ZNF804B: variants seen among roughly 807,000 people sequenced by gnomAD.
The protein encoded by ZNF804B is zinc finger protein 804B.
ZNF804B carries 80 observed loss-of-function variants against 101.4 expected under a neutral mutation model. The observed-to-expected ratio is 0.79, with a 90% CI of 0.66 to 0.95. The LOEUF is 0.95. Among genes scored for constraint, ZNF804B ranks in the 40% least tolerant of loss-of-function variants. The pLI, the probability that ZNF804B is intolerant of heterozygous loss-of-function variation, is 0.00. For synonymous variants in ZNF804B, 622 were observed against 558.8 expected, an observed-to-expected ratio of 1.11 and a Z score of -1.59; for missense variants, 1,673 against 1,561.9, an observed-to-expected ratio of 1.07 and a Z score of -1.20.
chr7:89,056,748 C>G (rs903791455), intron 1 of ZNF804B, among the ~76,000 whole-genome samples: 12 of 152,110 alleles, frequency 7.9e-5, no homozygotes, highest in African/African-American at 2.7e-4. Flanking sequence ...CACCACATAC[C>G]TCTAAGCAGA....
At chr7:89,118,432 C>T (rs1342830846) in intron 1 of ZNF804B, among the ~76,000 whole-genome samples, 1 of 152,128 alleles carries the variant, frequency 6.6e-6, no homozygotes, top group East Asian at 1.9e-4. Flanking sequence ...TGAATACCAA[C>T]ACCTCTTTCA....
chr7:89,098,188 C>T (rs545610279), intron 1 of ZNF804B, among the ~76,000 whole-genome samples: 1 of 152,124 alleles, frequency 6.6e-6, no homozygotes, highest in East Asian at 1.9e-4. Context: ...GATTCAAACC[C>T]TGGCAGTTTT....
At chr7:89,306,180 A>G (rs38930) in intron 2 of ZNF804B, among the ~76,000 whole-genome samples, 52,073 of 151,826 alleles carry the variant, frequency 0.34, 9,415 homozygotes, top group Non-Finnish European at 0.4. Flanking sequence ...AAAGAAGATG[A>G]TTTTTACCTG....
chr7:89,164,212 A>C (rs2116424074), intron 1 of ZNF804B, among the ~76,000 whole-genome samples: 1 of 152,196 alleles, frequency 6.6e-6, no homozygotes, highest in African/African-American at 2.4e-5. Flanking sequence ...AACCTGATCA[A>C]AAATACCCCT....
intron 2 of ZNF804B, among the ~76,000 whole-genome samples, chr7:89,253,333 C>G (rs1373064864): frequency 6.6e-6 from 1 of 151,902 alleles, no homozygotes; most frequent in East Asian, 1.9e-4. Context: ...TTTTTATAAA[C>G]TAAAAACATG....
At chr7:88,797,940 T>C (rs139984734) in intron 1 of ZNF804B, among the ~76,000 whole-genome samples, 2 of 152,192 alleles carry the variant, frequency 1.3e-5, no homozygotes, top group African/African-American at 4.8e-5. Flanking sequence ...ACTATCTTCT[T>C]GGATTCCCTG....
chr7:89,112,571 C>CT (rs1200121349), intron 1 of ZNF804B, among the ~76,000 whole-genome samples: 1 of 152,048 alleles, frequency 6.6e-6, no homozygotes, highest in Non-Finnish European at 1.5e-5. Context: ...CAACTTTCTT[C>CT]TTTTTATGTA....
intron 1 of ZNF804B, among the ~76,000 whole-genome samples, chr7:89,214,989 G>A (rs1370311101): frequency 6.6e-6 from 1 of 152,116 alleles, no homozygotes; most frequent in Non-Finnish European, 1.5e-5. Flanking sequence ...CTAAATATCA[G>A]TTGCCTCTTT....
chr7:88,915,871 T>C (rs1792626242), intron 1 of ZNF804B, among the ~76,000 whole-genome samples: 1 of 151,948 alleles, frequency 6.6e-6, no homozygotes, highest in South Asian at 2.1e-4. Context: ...ATAATATATT[T>C]AAAATCATGT....
At chr7:88,955,718 A>G (rs1490163163) in intron 1 of ZNF804B, among the ~76,000 whole-genome samples, 3 of 151,524 alleles carry the variant, frequency 2.0e-5, no homozygotes, top group African/African-American at 7.3e-5. Flanking sequence ...GACCTGGGAA[A>G]CACAGACAGC....
chr7:89,089,959 A>G (rs1789857922), intron 1 of ZNF804B, among the ~76,000 whole-genome samples: 4 of 152,154 alleles, frequency 2.6e-5, no homozygotes, highest in African/African-American at 9.6e-5. Flanking sequence ...AGAGAAAAAA[A>G]TAGCCTAAGA....
chr7:88,860,629 T>C (rs1441612088), intron 1 of ZNF804B, among the ~76,000 whole-genome samples: 1 of 152,090 alleles, frequency 6.6e-6, no homozygotes, highest in Non-Finnish European at 1.5e-5. Context: ...GTCCTGTGTC[T>C]GAGATAATTG....
chr7:88,776,295 G>T (rs756650950), intron 1 of ZNF804B, among the ~76,000 whole-genome samples: 2 of 152,188 alleles, frequency 1.3e-5, no homozygotes, highest in Non-Finnish European at 2.9e-5. Context: ...ACTTAAAATT[G>T]TTGTATCAAA....
At position 89,238,523 on chromosome 7, in the gene ZNF804B, T is replaced by C. The variant is rs1584076088; in HGVS notation, c.249+20228T>C. Among the ~76,000 whole-genome samples, 6 of 152,294 alleles carry C rather than the reference T, an allele frequency of 3.9e-5. 1 individual carries two copies. The highest frequency in any genetic ancestry group is 3.9e-4 in the Admixed American group (6 of 15,292). ...AGCAAATTTGTTTTGTGAAATTTTGTTGCAGTTAAATTTATATGTATGTGT... is the reference window on the plus strand; with the variant it reads ...AGCAAATTTGTTTTGTGAAATTTTGCTGCAGTTAAATTTATATGTATGTGT... On this transcript the variant is annotated intron_variant, in intron 2 of 3. Coordinates refer to ENST00000333190, the MANE Select transcript of ZNF804B (RefSeq NM_181646.5).
chr7:88,935,470 G>A (rs1792952454), intron 1 of ZNF804B, among the ~76,000 whole-genome samples: 1 of 151,568 alleles, frequency 6.6e-6, no homozygotes, highest in South Asian at 2.1e-4. Flanking sequence ...GATCACTTGA[G>A]GGTAGGAATT....
rs766416220 is a variant in ZNF804B, at chr7:89,218,232, G to A, written c.186G>A (p.Lys62=). 47 of 1,613,730 alleles carry A rather than the reference G, an allele frequency of 2.9e-5. No homozygotes were observed. Among genetic ancestry groups the A allele is most frequent in the Non-Finnish European group, 3.6e-5 (42 of 1,179,848 alleles). ...KANFYCELCD[K]QYHKHQEFDN... is the part of the protein sequence containing the mutation. ...ACTTTTACTGTGAATTATGTGACAA[G>A]CAGTATCACAAACACCAGGAGTTTG... The change falls in exon 2 of 4, where the codon AAG becomes AAA. Residue 62 remains lysine (K), a synonymous_variant. Transcript: ENST00000333190.
intron 2 of ZNF804B, among the ~76,000 whole-genome samples, chr7:89,322,257 A>G (rs1420629149): frequency 1.3e-5 from 2 of 152,150 alleles, no homozygotes; most frequent in African/African-American, 4.8e-5. Flanking sequence ...CAGAATAAAT[A>G]TTTTCTGCTT....
intron 1 of ZNF804B, among the ~76,000 whole-genome samples, chr7:89,161,631 C>A (rs1791066292): frequency 1.0e-5 from 1 of 97,316 alleles, no homozygotes; most frequent in African/African-American, 3.3e-5. Context: ...TCAAGCGATC[C>A]TCCCACCTTA....
At chr7:88,862,655 G>T (rs1791666835) in intron 1 of ZNF804B, among the ~76,000 whole-genome samples, 1 of 152,124 alleles carries the variant, frequency 6.6e-6, no homozygotes, top group African/African-American at 2.4e-5. Context: ...GCATGGTATT[G>T]ACTAAGACAA....
Sources: allele counts gnomAD v4.1 joint callset (sites outside exome capture counted in the v4.1 genomes callset), GRCh38; gene constraint gnomAD v4.1.1; transcripts MANE v1.5; gene names NCBI Gene and HGNC (gene_info 2026-07-23, HGNC 2026-07-21).